Variants in SLC12A2 observed in about 807,000 individuals in gnomAD.
SLC12A2 encodes solute carrier family 12 member 2.
SLC12A2 carries 67 observed loss-of-function variants against 136.3 expected under a neutral mutation model. That is an observed-to-expected ratio of 0.49 (90% CI 0.40 to 0.60). The LOEUF is 0.60. Among genes scored for constraint, SLC12A2 ranks in the 20% least tolerant of loss-of-function variants. The pLI, the probability that SLC12A2 is intolerant of heterozygous loss-of-function variation, is 0.00. For missense variants in SLC12A2, 1,322 were observed against 1,534.7 expected, an observed-to-expected ratio of 0.86 and a Z score of 2.32; for synonymous variants, 619 against 562.9, an observed-to-expected ratio of 1.10 and a Z score of -1.41.
At chr5:128,126,514 A>T (rs534640616) in intron 4 of SLC12A2, among the ~76,000 whole-genome samples, 1 of 152,160 alleles carries the variant, frequency 6.6e-6, no homozygotes, top group African/African-American at 2.4e-5. Flanking sequence ...ATATGATCCA[A>T]TGCTGTGTAT....
intron 5 of SLC12A2, among the ~76,000 whole-genome samples, chr5:128,132,583 C>T (rs749721988): frequency 3.3e-5 from 5 of 152,004 alleles, no homozygotes; most frequent in Non-Finnish European, 7.4e-5. Flanking sequence ...AATAGGATTC[C>T]TCAAATATTA....
intron 4 of SLC12A2, among the ~76,000 whole-genome samples, chr5:128,124,343 A>G (rs547474697): frequency 5.4e-4 from 82 of 152,318 alleles, no homozygotes; most frequent in African/African-American, 1.7e-3. Flanking sequence ...TGCAGACCCT[A>G]TAGGTTAAGA....
intron 16 of SLC12A2, among the ~76,000 whole-genome samples, chr5:128,161,382 C>G (rs568498282): frequency 6.6e-6 from 1 of 152,202 alleles, no homozygotes; most frequent in African/African-American, 2.4e-5. Flanking sequence ...AGCTTCTAAC[C>G]TCTTTACTTA....
rs1398581651 is a variant in SLC12A2 at position 128,083,922 on chromosome 5, G to T, written c.-33G>T. On this transcript the variant is annotated 5_prime_UTR_variant, in exon 1 of 27. Transcript: ENST00000262461. ...GGGCGTGCTGCCGGAGACGTCCGCC[G>T]GGCTCTGCAGTTCCGCCGGGGGTCG... The T allele has an allele frequency of 1.3e-5, 16 of 1,220,022 alleles. No individual in the cohort carries two copies. In the South Asian group the frequency reaches 4.2e-4, roughly 32 times the overall value. The allele number at this position is 1,220,022 out of a possible 1,614,324, so 75.6% of individuals were successfully genotyped here. A position where few individuals can be genotyped will look rare whatever the true frequency, so the allele number is the denominator to read the frequency against.
In SLC12A2 at chr5:128,084,461, G is replaced by A. The variant is rs1252641592; in HGVS notation, c.507G>A (p.Val169=). 11 of 1,612,986 alleles carry A rather than the reference G, an allele frequency of 6.8e-6. No homozygotes were observed. The highest frequency in any genetic ancestry group is 8.5e-6 in the Non-Finnish European group (10 of 1,179,750). ...AAGVGVDGPN[V]SFQNGGDTVL... is the part of the protein sequence containing the mutation. ...GGGTCGGAGTCGACGGGCCCAACGT[G>A]AGCTTCCAGAACGGCGGGGACACGG... The change falls in exon 1 of 27, where the codon GTG becomes GTA. Residue 169 remains valine (V), a synonymous_variant. Coordinates refer to ENST00000262461, the MANE Select transcript of SLC12A2 (RefSeq NM_001046.3). The surrounding 1 kb of genome is among the most constrained non-coding windows in gnomAD (Gnocchi z 5.6).
chr5:128,109,852 C>T, intron 1 of SLC12A2: 2 of 787,038 alleles, frequency 2.5e-6, no homozygotes, highest in South Asian at 2.7e-5. Flanking sequence ...TGGCCAAATC[C>T]CCATGTATTT....
chr5:128,152,049 A>T (rs1283511403), intron 14 of SLC12A2, among the ~76,000 whole-genome samples: 1 of 152,160 alleles, frequency 6.6e-6, no homozygotes, highest in Non-Finnish European at 1.5e-5. Context: ...AGACCTGATG[A>T]GAAAGGCTTC....
At position 128,178,654 on chromosome 5, in the gene SLC12A2, A is replaced by G; in HGVS notation, c.3065A>G (p.Asn1022Ser). Residue 1022 changes from asparagine to serine, a missense_variant, in exon 22 of 27, where the codon AAT (asparagine) becomes AGT (serine). Asn to Ser is a conservative substitution (Grantham distance 46). Transcript: ENST00000262461. The stretch of plus-strand genomic sequence containing the variant: ...CAGTTTCAGAAAAAACAAGGAAAGA[A>G]TACTATTGATGTCTGGTGGCTTTTT... Reference protein sequence around the residue: ...STQFQKKQGKNTIDVWWLFDD... With the variant: ...STQFQKKQGKSTIDVWWLFDD... 1 of 1,595,572 alleles carries G rather than the reference A, an allele frequency of 6.3e-7. No individual in the cohort carries two copies. Among genetic ancestry groups the G allele is most frequent in the Admixed American group, 1.8e-5 (1 of 56,892 alleles).
chr5:128,109,215 T>A (rs72794370), intron 1 of SLC12A2, among the ~76,000 whole-genome samples: 17,366 of 152,306 alleles, frequency 0.11, 1,062 homozygotes, highest in African/African-American at 0.16. Context: ...AAGTTCATCA[T>A]TGTCCTGAGA....
chr5:128,154,691 T>A (rs1762818355), intron 15 of SLC12A2, among the ~76,000 whole-genome samples: 1 of 152,128 alleles, frequency 6.6e-6, no homozygotes. Context: ...AGTACTGAAT[T>A]TGATTGTCAT....
In SLC12A2 at chr5:128,114,644, T is replaced by C; in HGVS notation, c.1011T>C (p.Ser337=). The C allele has an allele frequency of 2.5e-6, 4 of 1,612,308 alleles. No homozygotes were observed. Among genetic ancestry groups the C allele is most frequent in the Non-Finnish European group, 3.4e-6 (4 of 1,178,504 alleles). ...TTGTGACAACTATCACAGGATTGTC[T>C]ACTTCAGCAATAGCAACTAATGGAT... The part of the protein sequence containing the change: ...ATVVTTITGL[S]TSAIATNGFV... Residue 337 remains serine, a synonymous_variant, in exon 4 of 27, where the codon TCT becomes TCC. Coordinates refer to ENST00000262461, the MANE Select transcript of SLC12A2 (RefSeq NM_001046.3).
rs748340413 is a variant in SLC12A2, at chr5:128,150,055, G to A, written c.2064G>A (p.Leu688=). The A allele has an allele frequency of 6.2e-7, 1 of 1,610,452 alleles. No homozygotes were observed. The highest frequency in any genetic ancestry group is 1.7e-5 in the Admixed American group (1 of 59,932). Residue 688 remains leucine, a synonymous_variant, in exon 13 of 27, where the codon TTG becomes TTA. Transcript: ENST00000262461. ...ISNFFLASYA[L]INFSVFHASL... ...ACTTCTTCCTTGCATCATATGCATT[G>A]ATCAATTTTTCAGTATTCCATGCAT...
chr5:128,112,993 C>T (rs544464747), intron 2 of SLC12A2, 60 bp downstream of exon 2: 735 of 1,423,676 alleles, frequency 5.2e-4, no homozygotes, highest in Non-Finnish European at 6.3e-4. Context: ...TAAAATCTTC[C>T]TAACGTTCTC....
intron 1 of SLC12A2, among the ~76,000 whole-genome samples, chr5:128,086,356 C>T (rs1381522070): frequency 2.0e-5 from 3 of 152,112 alleles, no homozygotes; most frequent in Admixed American, 2.0e-4. Flanking sequence ...AAAAACAACA[C>T]CTGTACTGTT....
At chr5:128,099,590 A>G (rs58597384) in intron 1 of SLC12A2, among the ~76,000 whole-genome samples, 22,271 of 152,204 alleles carry the variant, frequency 0.15, 1,905 homozygotes, top group East Asian at 0.25. Context: ...ACACTTTTGT[A>G]ATAACATTTG....
At chr5:128,096,423 G>A (rs890947640) in intron 1 of SLC12A2, among the ~76,000 whole-genome samples, 2 of 151,926 alleles carry the variant, frequency 1.3e-5, no homozygotes, top group East Asian at 1.9e-4. Flanking sequence ...ATGGTTTCGG[G>A]CATAACTTAT....
At chr5:128,098,552 T>G (rs988477313) in intron 1 of SLC12A2, among the ~76,000 whole-genome samples, 1 of 151,960 alleles carries the variant, frequency 6.6e-6, no homozygotes, top group Non-Finnish European at 1.5e-5. Flanking sequence ...TCTAGCAGTT[T>G]TTTATATGGA....
intron 9 of SLC12A2, among the ~76,000 whole-genome samples, chr5:128,139,506 A>T (rs1762291626): frequency 6.6e-6 from 1 of 152,198 alleles, no homozygotes; most frequent in Non-Finnish European, 1.5e-5. Context: ...GAAAGGACTT[A>T]AGTGGTCAAC....
At chr5:128,159,666 A>G (rs1383727992) in intron 16 of SLC12A2, among the ~76,000 whole-genome samples, 1 of 152,232 alleles carries the variant, frequency 6.6e-6, no homozygotes, top group African/African-American at 2.4e-5. Context: ...CATTAGAGAA[A>G]TGCAAATCAA....
Sources: allele counts gnomAD v4.1 joint callset (sites outside exome capture counted in the v4.1 genomes callset), GRCh38; gene constraint gnomAD v4.1.1; non-coding constraint Gnocchi (gnomAD v3.1); transcripts MANE v1.5; gene names NCBI Gene and HGNC (gene_info 2026-07-23, HGNC 2026-07-21).